MRPS6: variants seen among roughly 807,000 people sequenced by gnomAD.
MRPS6 encodes small ribosomal subunit protein bS6m.
Under a neutral mutation model 13.1 loss-of-function variants are expected in MRPS6, and 6 were observed. That is an observed-to-expected ratio of 0.46 (90% CI 0.25 to 0.91). The LOEUF is 0.91. MRPS6 is among the 40% of genes least tolerant of loss of function. The probability of loss-of-function intolerance (pLI) is 0.18; values close to 1 mark genes in which losing one functional copy is unlikely to be tolerated. For synonymous variants in MRPS6, 61 were observed against 56.5 expected (o/e 1.08, Z -0.36); for missense variants, 164 against 155.6 (o/e 1.05, Z -0.29).
intron 1 of MRPS6, among the ~76,000 whole-genome samples, chr21:34,111,757 C>G (rs1979707670): frequency 6.6e-6 from 1 of 152,192 alleles, no homozygotes; most frequent in Admixed American, 6.5e-5. Context: ...CTGGCATACC[C>G]TAAGGTAGGC....
At chr21:34,140,232 T>G (rs1408617191) in intron 2 of MRPS6, among the ~76,000 whole-genome samples, 1 of 152,196 alleles carries the variant, frequency 6.6e-6, no homozygotes, top group Admixed American at 6.5e-5. Context: ...CCTTTTTTTT[T>G]TTCTTACCTA....
intron 1 of MRPS6, chr21:34,105,257 G>A (rs1333538572): frequency 1.0e-6 from 1 of 1,000,182 alleles, no homozygotes. Flanking sequence ...CTTTTGTCCA[G>A]ACCCATGTTG....
At position 34,125,353 on chromosome 21, in the gene MRPS6, G is replaced by T; in HGVS notation, c.58G>T (p.Ala20Ser). ...LKAMQRPETA[A>S]TLKRTIEALM... Reference sequence around the variant, plus strand: ...CAAACAAAAACAGCCAGAGACTGCTGCTACTTTGAAACGTACGATAGAGGC... The same window carrying T: ...CAAACAAAAACAGCCAGAGACTGCTTCTACTTTGAAACGTACGATAGAGGC... The change falls in exon 2 of 3, where the codon GCT becomes TCT. Residue 20 changes from alanine to serine, a missense_variant. Physicochemically the swap from Ala to Ser is moderately conservative, Grantham distance 99. Transcript: ENST00000399312. The T allele has an allele frequency of 6.2e-7, 1 of 1,609,718 alleles. No individual in the cohort carries two copies. Among genetic ancestry groups the T allele is most frequent in the Non-Finnish European group, 8.5e-7 (1 of 1,178,774 alleles).
At chr21:34,109,523 G>A (rs1979615061) in intron 1 of MRPS6, among the ~76,000 whole-genome samples, 1 of 152,204 alleles carries the variant, frequency 6.6e-6, no homozygotes, top group African/African-American at 2.4e-5. Context: ...CTTTGGTACA[G>A]TACTACCATT....
chr21:34,077,862 A>C (rs2148651717), intron 1 of MRPS6, among the ~76,000 whole-genome samples: 1 of 152,312 alleles, frequency 6.6e-6, no homozygotes, highest in Admixed American at 6.5e-5. Flanking sequence ...GTTTTTCTCT[A>C]AATGCAAGCC....
chr21:34,100,800 C>CT (rs754772441), intron 1 of MRPS6: 87 of 1,000,128 alleles, frequency 8.7e-5, no homozygotes, highest in Non-Finnish European at 1.0e-4. Context: ...ATCTTCCCCT[C>CT]TGACTTTGAA....
intron 1 of MRPS6, chr21:34,099,257 T>G: frequency 8.0e-6 from 8 of 1,000,268 alleles, no homozygotes; most frequent in Non-Finnish European, 9.6e-6. Flanking sequence ...GCTCATCATT[T>G]TCTTGTTTGG....
chr21:34,099,538 T>A (rs1047828947), intron 1 of MRPS6: 2 of 999,726 alleles, frequency 2.0e-6, no homozygotes, highest in Non-Finnish European at 2.4e-6. Context: ...TCACTGATAA[T>A]TGACATATTG....
chr21:34,126,299 C>T (rs1486026789), intron 2 of MRPS6, among the ~76,000 whole-genome samples: 3 of 152,142 alleles, frequency 2.0e-5, no homozygotes, highest in Non-Finnish European at 4.4e-5. Context: ...ATGTGCTCTG[C>T]GACGAGAATG....
rs372091977 is a variant in MRPS6 at position 34,104,532 on chromosome 21, ACT to A, written c.46-20806_46-20805del. 4,613 of 998,376 alleles carry A rather than the reference ACT, an allele frequency of 4.6e-3. 18 individuals carry two copies. The highest frequency in any genetic ancestry group is 5.1e-3 in the South Asian group (108 of 21,240). The allele number at this position is 998,376 out of a possible 1,614,324, so 61.8% of individuals were successfully genotyped here. A position where few individuals can be genotyped will look rare whatever the true frequency, so the allele number is the denominator to read the frequency against. Reference sequence around the variant, plus strand: ...ATCCTTTTAGGGAAAGACTTGGTCAACTCTAATATATCTAGAAGGAAGACTAT... The same window carrying A: ...ATCCTTTTAGGGAAAGACTTGGTCAACTAATATATCTAGAAGGAAGACTAT... On this transcript the variant is annotated intron_variant, in intron 1 of 2. Transcript: ENST00000399312.
chr21:34,084,410 A>T (rs1202909725), intron 1 of MRPS6, among the ~76,000 whole-genome samples: 1 of 152,298 alleles, frequency 6.6e-6, no homozygotes. Context: ...AAAAACACAA[A>T]GTTGACCTGG....
Position 34,108,493 on chromosome 21 carries a change from G to A in MRPS6, c.46-16848G>A, listed in dbSNP as rs143490952. Among the ~76,000 whole-genome samples the A allele has an allele frequency of 7.5e-3, 1,138 of 152,232 alleles. 9 individuals are homozygous for A. Among genetic ancestry groups the A allele is most frequent in the Non-Finnish European group, 0.011 (747 of 68,010 alleles). ...GTACAAAGCAAAACTGCCTAACGAC[G>A]CATTTCTCAGAACATGTTCCTGTTG... On this transcript the variant is annotated intron_variant, in intron 1 of 2. Transcript: ENST00000399312.
At chr21:34,094,830 C>T in intron 1 of MRPS6, 1 of 179,216 alleles carries the variant, frequency 5.6e-6, no homozygotes, top group Admixed American at 6.2e-5. Flanking sequence ...TCCTCTACTT[C>T]AATCTTTGTC....
intron 2 of MRPS6, among the ~76,000 whole-genome samples, chr21:34,133,734 C>T (rs1420074776): frequency 6.6e-6 from 1 of 152,162 alleles, no homozygotes; most frequent in Non-Finnish European, 1.5e-5. Flanking sequence ...GCACATTACT[C>T]TAAGCACAGG....
intron 1 of MRPS6, among the ~76,000 whole-genome samples, chr21:34,110,448 C>G (rs1263759466): frequency 6.6e-6 from 1 of 151,958 alleles, no homozygotes; most frequent in African/African-American, 2.4e-5. Flanking sequence ...CCACTGTACT[C>G]CAGCCTAGGC....
chr21:34,103,456 T>C, intron 1 of MRPS6: 1 of 998,938 alleles, frequency 1.0e-6, no homozygotes, highest in Non-Finnish European at 1.2e-6. Context: ...TTAAAGTTAC[T>C]TATGTTCTGT....
chr21:34,122,309 A>G (rs1980147478), intron 1 of MRPS6: 1 of 152,142 alleles, frequency 6.6e-6, no homozygotes, highest in African/African-American at 2.4e-5. Context: ...TGGTTTGCCA[A>G]CCCTGCTTTA....
At chr21:34,087,307 A>AAC (rs1556003415) in intron 1 of MRPS6, among the ~76,000 whole-genome samples, 153 of 152,302 alleles carry the variant, frequency 1.0e-3, no homozygotes, top group Admixed American at 5.2e-3. Context: ...TGCTTAAAAA[A>AAC]CCACTGTTGA....
chr21:34,079,059 C>T (rs765147435), intron 1 of MRPS6, among the ~76,000 whole-genome samples: 2 of 152,188 alleles, frequency 1.3e-5, no homozygotes, highest in Non-Finnish European at 2.9e-5. Context: ...GTTAATTCAG[C>T]CTCTTATCCT....
Sources: allele counts gnomAD v4.1 joint callset (sites outside exome capture counted in the v4.1 genomes callset), GRCh38; gene constraint gnomAD v4.1.1; transcripts MANE v1.5; gene names NCBI Gene and HGNC (gene_info 2026-07-23, HGNC 2026-07-21).